Variants in DNAAF6 observed in about 807,000 individuals in gnomAD.
The protein encoded by DNAAF6 is PIH1 domain containing 3.
Under a neutral mutation model 13.7 loss-of-function variants are expected in DNAAF6, and 3 were observed. The ratio of observed to expected loss-of-function variants is 0.22; its 90% CI spans 0.10 to 0.56. The LOEUF (loss-of-function observed/expected upper bound fraction) is 0.56, where lower values mean the gene tolerates loss of function less well. DNAAF6 is among the 20% of genes least tolerant of loss of function. The pLI is 0.92. For missense variants in DNAAF6, 130 were observed against 151.0 expected, an observed-to-expected ratio of 0.86 and a Z score of 0.73; for synonymous variants, 54 against 49.2, an observed-to-expected ratio of 1.10 and a Z score of -0.41.
chrX:107,231,259 C>A (rs1474941916), intron 5 of DNAAF6, among the ~76,000 whole-genome samples: 1 of 111,399 alleles, frequency 9.0e-6, no homozygotes, highest in Non-Finnish European at 1.9e-5. Flanking sequence ...TTTGTGGGAT[C>A]TAAAAATCAA....
intron 5 of DNAAF6, among the ~76,000 whole-genome samples, chrX:107,236,510 A>G (rs762322457): frequency 3.6e-5 from 4 of 111,696 alleles, no homozygotes; most frequent in East Asian, 5.6e-4. Flanking sequence ...AAGATTCCTC[A>G]TTGAGTCTTC....
At chrX:107,209,766 T>C (rs1927810135) in intron 1 of DNAAF6, among the ~76,000 whole-genome samples, 1 of 112,174 alleles carries the variant, frequency 8.9e-6, no homozygotes. Context: ...CCTGATTTTA[T>C]TTACCATATA....
rs187319115 is a variant in DNAAF6, at chrX:107,229,719, G to C, written c.429+6878G>C. Among the ~76,000 whole-genome samples, 156 of 109,545 alleles carry C rather than the reference G, an allele frequency of 1.4e-3. 1 individual carries two copies. Among genetic ancestry groups the C allele is most frequent in the African/African-American group, 5.0e-3 (149 of 30,058 alleles). ...GATTCATATAACTCTTTTAACTCTC[G>C]CTCTGTCACCCAGGCTGGAGTGCAG... On this transcript the variant is annotated intron_variant, in intron 5 of 6. Transcript: ENST00000372453.
At chrX:107,232,603 T>C (rs1437486269) in intron 5 of DNAAF6, among the ~76,000 whole-genome samples, 2 of 111,821 alleles carry the variant, frequency 1.8e-5, no homozygotes, top group East Asian at 5.6e-4. Flanking sequence ...GAGGAAGTGA[T>C]AGGGCATACT....
At chrX:107,241,735 T>C (rs1252935768) in intron 6 of DNAAF6, among the ~76,000 whole-genome samples, 1 of 112,032 alleles carries the variant, frequency 8.9e-6, no homozygotes, top group Non-Finnish European at 1.9e-5. Flanking sequence ...ACAGTTCTAC[T>C]GTTCAACATT....
chrX:107,242,343 T>G (rs1928640709), intron 6 of DNAAF6, among the ~76,000 whole-genome samples: 1 of 112,410 alleles, frequency 8.9e-6, no homozygotes. Flanking sequence ...TAAGTGCCCC[T>G]AAAAATACCA....
intron 5 of DNAAF6, among the ~76,000 whole-genome samples, chrX:107,238,033 T>A (rs960591248): frequency 8.9e-6 from 1 of 112,372 alleles, no homozygotes; most frequent in East Asian, 2.8e-4. Flanking sequence ...ACATTTCATA[T>A]AAATAGAATC....
At chrX:107,242,035 G>A (rs2040982707) in intron 6 of DNAAF6, among the ~76,000 whole-genome samples, 1 of 111,900 alleles carries the variant, frequency 8.9e-6, no homozygotes, top group Admixed American at 9.5e-5. Context: ...TTAAAGGATG[G>A]ACTCTACACG....
intron 5 of DNAAF6, among the ~76,000 whole-genome samples, chrX:107,228,707 C>T (rs1375187416): frequency 9.0e-6 from 1 of 111,307 alleles, no homozygotes; most frequent in Non-Finnish European, 1.9e-5. Flanking sequence ...CCTCAACCTC[C>T]TGGGCTCAAG....
intron 6 of DNAAF6, among the ~76,000 whole-genome samples, chrX:107,242,644 A>G (rs994081038): frequency 1.8e-5 from 2 of 112,673 alleles, no homozygotes; most frequent in East Asian, 5.6e-4. Context: ...ATTTTTGTCA[A>G]TGTGTAAGTA....
intron 1 of DNAAF6, among the ~76,000 whole-genome samples, chrX:107,208,257 A>T (rs917701158): frequency 1.8e-5 from 2 of 109,783 alleles, no homozygotes; most frequent in Admixed American, 9.7e-5. Context: ...TAGCCGGCGA[A>T]ACCCCGTCTC....
Position 107,212,881 on chromosome X carries a change from A to ATCTGAAAATATGGAT in DNAAF6, c.19_33dup (p.Asp7_Met11dup). ...ATTATCTTTTTCTTCAGATAATGGA[A>ATCTGAAAATATGGAT]TCTGAAAATATGGATTCTGAAAATA... On this transcript the variant is annotated inframe_insertion, in exon 2 of 7. Coordinates refer to ENST00000372453, the MANE Select transcript of DNAAF6 (RefSeq NM_173494.2). 1.7e-5 allele frequency: 20 copies of ATCTGAAAATATGGAT among 1,184,212 alleles called. No homozygotes were observed. Among genetic ancestry groups the ATCTGAAAATATGGAT allele is most frequent in the Non-Finnish European group, 2.3e-5 (20 of 883,248 alleles).
chrX:107,229,832 C>A (rs777306795), intron 5 of DNAAF6, among the ~76,000 whole-genome samples: 2 of 110,332 alleles, frequency 1.8e-5, no homozygotes, highest in South Asian at 8.0e-4. Flanking sequence ...GGACTACAGG[C>A]GCCCCCCACC....
intron 5 of DNAAF6, among the ~76,000 whole-genome samples, chrX:107,223,692 T>C (rs1311718304): frequency 9.0e-6 from 1 of 111,613 alleles, no homozygotes; most frequent in African/African-American, 3.2e-5. Flanking sequence ...TAATATTTTT[T>C]TCTTAAGCAA....
At chrX:107,238,586 G>A (rs1470636925) in intron 5 of DNAAF6, among the ~76,000 whole-genome samples, 1 of 111,507 alleles carries the variant, frequency 9.0e-6, no homozygotes, top group Admixed American at 9.5e-5. Flanking sequence ...GGCAGTTGAA[G>A]GTCCCCAACT....
chrX:107,227,726 G>A (rs2147833588), intron 5 of DNAAF6, among the ~76,000 whole-genome samples: 1 of 111,080 alleles, frequency 9.0e-6, no homozygotes. Context: ...GTGGGACATG[G>A]TAACAAATAC....
intron 2 of DNAAF6, among the ~76,000 whole-genome samples, 187 bp downstream of exon 2, chrX:107,213,215 T>G (rs1280506630): frequency 1.8e-5 from 2 of 111,797 alleles, no homozygotes; most frequent in Non-Finnish European, 3.8e-5. Flanking sequence ...ATAATTATAT[T>G]TTTCTAAACC....
At chrX:107,219,159 A>T (rs1258397249) in intron 4 of DNAAF6, among the ~76,000 whole-genome samples, 190 bp downstream of exon 4, 1 of 111,995 alleles carries the variant, frequency 8.9e-6, no homozygotes. Context: ...AAAGCATAAC[A>T]CCTTCCTTTC....
intron 6 of DNAAF6, among the ~76,000 whole-genome samples, chrX:107,239,862 T>C (rs914476738): frequency 8.9e-6 from 1 of 112,257 alleles, no homozygotes; most frequent in East Asian, 2.8e-4. Context: ...TATTCACTAT[T>C]TCTGCTGTTT....
Sources: allele counts gnomAD v4.1 joint callset (sites outside exome capture counted in the v4.1 genomes callset), GRCh38; gene constraint gnomAD v4.1.1; transcripts MANE v1.5; gene names NCBI Gene and HGNC (gene_info 2026-07-23, HGNC 2026-07-21).